Variants in FIRRM observed in about 807,000 individuals in gnomAD.
FIRRM encodes the protein FIGNL1-interacting regulator of recombination and mitosis.
chr1:169,810,887 C>G, the FIRRM span, among the ~76,000 whole-genome samples: 34 of 100,200 alleles, frequency 3.4e-4, no homozygotes, highest in East Asian at 0.012. Flanking sequence ...GAGTCTCGCT[C>G]TGTCGCCCAG....
At chr1:169,814,074 C>A in the FIRRM span, among the ~76,000 whole-genome samples, 3 of 152,074 alleles carry the variant, frequency 2.0e-5, no homozygotes, top group African/African-American at 7.2e-5. Flanking sequence ...CTTTCTGTGT[C>A]CATGAAGATA....
the FIRRM span, among the ~76,000 whole-genome samples, chr1:169,786,623 G>A: frequency 0.048 from 7,224 of 151,978 alleles, 222 homozygotes; most frequent in South Asian, 0.1. Flanking sequence ...TAAAATAAGC[G>A]CACCATCTAG....
At chr1:169,846,701 C>G in the FIRRM span, among the ~76,000 whole-genome samples, 3 of 152,160 alleles carry the variant, frequency 2.0e-5, no homozygotes, top group Non-Finnish European at 4.4e-5. Context: ...GAGAGAGGGC[C>G]TGGCTTTGGA....
chr1:169,820,600 A>C, the FIRRM span, among the ~76,000 whole-genome samples: 1 of 152,222 alleles, frequency 6.6e-6, no homozygotes, highest in South Asian at 2.1e-4. Context: ...AAGTTCAGTC[A>C]AGCATCTTTT....
At chr1:169,792,798 CT>C in the FIRRM span, 1 of 1,613,190 alleles carries the variant, frequency 6.2e-7, no homozygotes, top group East Asian at 2.2e-5. Flanking sequence ...CTATAATAAT[CT>C]GGGTTGTAAA....
chr1:169,823,055 C>A, the FIRRM span, among the ~76,000 whole-genome samples: 1 of 151,482 alleles, frequency 6.6e-6, no homozygotes, highest in Non-Finnish European at 1.5e-5. Flanking sequence ...AGTTCAAGAC[C>A]AGCCTGGACA....
the FIRRM span, chr1:169,823,350 A>G: frequency 2.0e-6 from 2 of 988,394 alleles, no homozygotes; most frequent in Non-Finnish European, 3.1e-6. Context: ...TTGTGAGATT[A>G]TATGTACTAA....
the FIRRM span, among the ~76,000 whole-genome samples, chr1:169,797,233 A>G: frequency 3.3e-5 from 5 of 152,330 alleles, no homozygotes; most frequent in African/African-American, 1.2e-4. Context: ...TAATGGTAGT[A>G]TTTTAGCTTC....
At chr1:169,799,366 G>A in the FIRRM span, among the ~76,000 whole-genome samples, 3 of 152,128 alleles carry the variant, frequency 2.0e-5, no homozygotes, top group African/African-American at 7.2e-5. Context: ...TTACCATTTG[G>A]AGGAAGTTGA....
the FIRRM span, chr1:169,851,912 A>C: frequency 6.2e-7 from 1 of 1,614,100 alleles, no homozygotes; most frequent in South Asian, 1.1e-5. Flanking sequence ...TGACTGTAGA[A>C]GAAGCAAAGA....
At chr1:169,837,441 A>G in the FIRRM span, among the ~76,000 whole-genome samples, 1 of 152,218 alleles carries the variant, frequency 6.6e-6, no homozygotes, top group African/African-American at 2.4e-5. Context: ...CCATTCGACA[A>G]AATACAACCC....
the FIRRM span, among the ~76,000 whole-genome samples, chr1:169,819,383 G>T: frequency 1.3e-5 from 2 of 152,160 alleles, no homozygotes; most frequent in African/African-American, 4.8e-5. Context: ...CGTGCCATTA[G>T]TTATCCCCAA....
At chr1:169,845,121 G>A in the FIRRM span, among the ~76,000 whole-genome samples, 42 of 152,084 alleles carry the variant, frequency 2.8e-4, no homozygotes, top group Non-Finnish European at 5.3e-4. Context: ...ATTACAGGTT[G>A]TGTTCCAGAC....
chr1:169,808,840 C>G, the FIRRM span, among the ~76,000 whole-genome samples: 1 of 152,122 alleles, frequency 6.6e-6, no homozygotes, highest in Non-Finnish European at 1.5e-5. Context: ...CTCAGGTGGT[C>G]CACCCGCCTT....
chr1:169,852,515 C>T, the FIRRM span: 9 of 454,226 alleles, frequency 2.0e-5, no homozygotes, highest in African/African-American at 1.6e-4. Flanking sequence ...TTGGACTATG[C>T]AGCACTTCTC....
the FIRRM span, chr1:169,832,368 T>G: frequency 7.6e-7 from 1 of 1,312,546 alleles, no homozygotes; most frequent in South Asian, 1.2e-5. Flanking sequence ...GTAAAAATTC[T>G]GATTCTAAAT....
At chr1:169,790,929 C>T in the FIRRM span, among the ~76,000 whole-genome samples, 1 of 152,180 alleles carries the variant, frequency 6.6e-6, no homozygotes, top group Non-Finnish European at 1.5e-5. Flanking sequence ...AAGGGCTGGG[C>T]AGGGGAGTGG....
chr1:169,814,731 T>A, the FIRRM span, among the ~76,000 whole-genome samples: 2 of 152,248 alleles, frequency 1.3e-5, no homozygotes, highest in Non-Finnish European at 2.9e-5. Flanking sequence ...ATAGACAGTG[T>A]TAATACATAT....
the FIRRM span, chr1:169,850,134 C>T: frequency 9.3e-5 from 57 of 614,104 alleles, no homozygotes; most frequent in African/African-American, 9.6e-4. Flanking sequence ...ATGAGTTTAT[C>T]ACCTTTGAGG....
Sources: allele counts gnomAD v4.1 joint callset (sites outside exome capture counted in the v4.1 genomes callset), GRCh38; gene constraint gnomAD v4.1.1; transcripts MANE v1.5; gene names NCBI Gene and HGNC (gene_info 2026-07-23, HGNC 2026-07-21).